The following FRMD4B variants were observed in gnomAD, a reference collection of about 807,000 sequenced individuals.
FRMD4B encodes the protein FERM domain-containing protein 4B.
FRMD4B carries 74 observed loss-of-function variants against 141.5 expected under a neutral mutation model. The observed-to-expected ratio is 0.52, with a 90% CI of 0.43 to 0.63. The LOEUF is 0.63. Among genes scored for constraint, FRMD4B ranks in the 30% least tolerant of loss-of-function variants. FRMD4B has a pLI of 0.00. For missense variants in FRMD4B, 1,366 were observed against 1,253.4 expected, an observed-to-expected ratio of 1.09 and a Z score of -1.36; for synonymous variants, 506 against 467.9, an observed-to-expected ratio of 1.08 and a Z score of -1.05.
At chr3:69,311,226 C>A in intron 3 of FRMD4B, 37 bp downstream of exon 3, 1 of 989,164 alleles carries the variant, frequency 1.0e-6, no homozygotes, top group Non-Finnish European at 1.6e-6. Flanking sequence ...GTAGCCCAGG[C>A]AAAAGGTAAA....
At chr3:69,470,595 C>T (rs1007171400) in intron 1 of FRMD4B, among the ~76,000 whole-genome samples, 2 of 152,112 alleles carry the variant, frequency 1.3e-5, no homozygotes, top group African/African-American at 4.8e-5. Flanking sequence ...CTCTGGGGAG[C>T]TGGTAAGCTC....
At chr3:69,313,621 A>T (rs1394354051) in intron 1 of FRMD4B, 104 bp from the exon 2 acceptor site, 3 of 710,056 alleles carry the variant, frequency 4.2e-6, no homozygotes, top group Non-Finnish European at 7.2e-6. Flanking sequence ...TCAGCCTAAA[A>T]ATGGCTTTAG....
intron 1 of FRMD4B, among the ~76,000 whole-genome samples, chr3:69,437,191 G>A (rs1464036931): frequency 6.6e-6 from 1 of 151,960 alleles, no homozygotes; most frequent in Non-Finnish European, 1.5e-5. Flanking sequence ...ACCCACCTCA[G>A]CCTCCTGAGT....
chr3:69,192,390 A>T (rs1442183791), intron 17 of FRMD4B, among the ~76,000 whole-genome samples: 1 of 152,068 alleles, frequency 6.6e-6, no homozygotes, highest in Non-Finnish European at 1.5e-5. Flanking sequence ...AGACAAAAAC[A>T]AAAAAAGACA....
At position 69,196,374 on chromosome 3, in the gene FRMD4B, C is replaced by T. The variant is rs1444995681; in HGVS notation, c.1115G>A (p.Ser372Asn). Reference sequence around the variant, plus strand: ...CAAATCCATTGCAATCTCATCTAAACTCCTGGCTGAAGGAATTTTTGCCTA... The same window carrying T: ...CAAATCCATTGCAATCTCATCTAAATTCCTGGCTGAAGGAATTTTTGCCTA... ...QSKAKIPSARSLDEIAMDLTE... is the reference protein window; with the variant it reads ...QSKAKIPSARNLDEIAMDLTE... Residue 372 changes from serine to asparagine, a missense_variant, in exon 14 of 23, where the codon AGT becomes AAT. Physicochemically the swap from Ser to Asn is conservative, Grantham distance 46 (BLOSUM62 1). Transcript: ENST00000398540. 5.6e-6 allele frequency: 9 copies of T among 1,610,230 alleles called. No individual in the cohort carries two copies. The highest frequency in any genetic ancestry group is 2.2e-5 in the South Asian group (2 of 90,080).
At chr3:69,471,943 T>C (rs1251596905) in intron 1 of FRMD4B, 1 of 155,966 alleles carries the variant, frequency 6.4e-6, no homozygotes, top group Non-Finnish European at 1.4e-5. Context: ...ATAGATTCCT[T>C]TGGGGGCTCT....
At chr3:69,404,904 C>T (rs2106762144) in intron 2 of FRMD4B, among the ~76,000 whole-genome samples, 1 of 152,284 alleles carries the variant, frequency 6.6e-6, no homozygotes, top group African/African-American at 2.4e-5. Flanking sequence ...ACTGTGTCCT[C>T]AGGGCTTATC....
At chr3:69,323,582 A>C (rs1702081086) in intron 1 of FRMD4B, among the ~76,000 whole-genome samples, 2 of 136,966 alleles carry the variant, frequency 1.5e-5, no homozygotes, top group African/African-American at 2.7e-5. Context: ...CAAAACAAAA[A>C]CCCAACTCTC....
intron 1 of FRMD4B, among the ~76,000 whole-genome samples, chr3:69,438,193 C>G (rs948012952): frequency 6.6e-6 from 1 of 151,346 alleles, no homozygotes; most frequent in Non-Finnish European, 1.5e-5. Context: ...AGCCTCGAAC[C>G]TCTTGGCTCA....
chr3:69,377,935 C>T (rs893976758), intron 1 of FRMD4B, among the ~76,000 whole-genome samples: 7 of 151,800 alleles, frequency 4.6e-5, no homozygotes, highest in Non-Finnish European at 1.0e-4. Flanking sequence ...CTCAGCCTCC[C>T]GAGTAGCTGG....
intron 5 of FRMD4B, among the ~76,000 whole-genome samples, chr3:69,259,332 C>T (rs1194458100): frequency 6.6e-6 from 1 of 152,212 alleles, no homozygotes; most frequent in African/African-American, 2.4e-5. Context: ...ACAGATGAAG[C>T]TTCTCTCGTT....
intron 1 of FRMD4B, among the ~76,000 whole-genome samples, chr3:69,380,857 G>A (rs1559839363): frequency 1.3e-5 from 2 of 152,200 alleles, no homozygotes; most frequent in Non-Finnish European, 2.9e-5. Context: ...GGAATAAACT[G>A]AGGGTTTTGT....
At chr3:69,208,890 A>C (rs938904848) in intron 11 of FRMD4B, among the ~76,000 whole-genome samples, 16 of 152,090 alleles carry the variant, frequency 1.1e-4, no homozygotes, top group Admixed American at 7.9e-4. Flanking sequence ...TCACACCTGT[A>C]ATCCCAGCAC....
At chr3:69,434,614 T>C (rs984387460) in intron 1 of FRMD4B, among the ~76,000 whole-genome samples, 3 of 152,218 alleles carry the variant, frequency 2.0e-5, no homozygotes, top group African/African-American at 7.2e-5. Flanking sequence ...GAATCTATTC[T>C]ACAACTATTA....
chr3:69,535,856 C>T (rs1161858765), intron 1 of FRMD4B: 3 of 456,980 alleles, frequency 6.6e-6, no homozygotes, highest in Non-Finnish European at 4.5e-6. Context: ...TTGGTCTTGG[C>T]TACCACCTTC....
chr3:69,409,591 C>T (rs1704719589), intron 2 of FRMD4B, among the ~76,000 whole-genome samples: 1 of 152,266 alleles, frequency 6.6e-6, no homozygotes, highest in Admixed American at 6.5e-5. Flanking sequence ...TCCACCCCTC[C>T]CTCACACAAC....
chr3:69,401,637 C>T (rs1205290861), intron 2 of FRMD4B, among the ~76,000 whole-genome samples: 5 of 152,098 alleles, frequency 3.3e-5, no homozygotes, highest in Admixed American at 6.6e-5. Flanking sequence ...ACAGCTTTGA[C>T]GTCCTGGGCT....
At chr3:69,368,540 T>G (rs1281322696) in intron 1 of FRMD4B, among the ~76,000 whole-genome samples, 1 of 152,204 alleles carries the variant, frequency 6.6e-6, no homozygotes, top group Non-Finnish European at 1.5e-5. Flanking sequence ...ACAGGTGCTT[T>G]GCATACTTCT....
intron 1 of FRMD4B, among the ~76,000 whole-genome samples, chr3:69,355,485 G>T (rs1333020682): frequency 6.6e-6 from 1 of 152,166 alleles, no homozygotes; most frequent in African/African-American, 2.4e-5. Flanking sequence ...CTGGGTTGGA[G>T]AGTCGACTGA....
Sources: gnomAD v4.1 joint callset for allele counts (sites outside exome capture counted in the v4.1 genomes callset) on GRCh38, gnomAD v4.1.1 for gene constraint, MANE v1.5 for transcripts, NCBI Gene and HGNC (gene_info 2026-07-23, HGNC 2026-07-21) for gene names.